CHEK1: variants seen among roughly 807,000 people sequenced by gnomAD.
The protein encoded by CHEK1 is checkpoint kinase 1, also known as serine/threonine-protein kinase Chk1.
CHEK1 carries 32 observed loss-of-function variants against 60.2 expected under a neutral mutation model. The ratio of observed to expected loss-of-function variants is 0.53; its 90% CI spans 0.40 to 0.71. The LOEUF (loss-of-function observed/expected upper bound fraction) is 0.71, where lower values mean the gene tolerates loss of function less well. Ranked by LOEUF, CHEK1 falls within the 30% of genes least tolerant of loss-of-function variation. CHEK1 has a pLI of 0.00. For synonymous variants in CHEK1, 179 were observed against 187.2 expected, an observed-to-expected ratio of 0.96 and a Z score of 0.36; for missense variants, 399 against 564.6, an observed-to-expected ratio of 0.71 and a Z score of 2.97.
rs747190476 is a variant in CHEK1, at chr11:125,637,431, CGTAAT to C, written c.719-15_719-11del. ...AACATGATTCTTTCGTGAATGTTGT[CGTAAT>C]GTTTGTTTTTAGCTCTGCTGCATAA... On this transcript the variant is annotated splice_polypyrimidine_tract_variant and intron_variant, in intron 7 of 12. Transcript: ENST00000438015. 3 of 1,587,400 alleles carry C rather than the reference CGTAAT, an allele frequency of 1.9e-6. No homozygotes were observed. The highest frequency in any genetic ancestry group is 2.6e-6 in the Non-Finnish European group (3 of 1,164,854).
intron 7 of CHEK1, among the ~76,000 whole-genome samples, chr11:125,637,103 C>T (rs910031932): frequency 8.5e-5 from 13 of 152,078 alleles, no homozygotes; most frequent in African/African-American, 3.1e-4. Context: ...AAGGAGGTCA[C>T]GTGAGAACAT....
Position 125,644,547 on chromosome 11 carries a change from A to G in CHEK1, c.1137A>G (p.Arg379=), listed in dbSNP as rs369650833. The G allele has an allele frequency of 1.4e-5, 23 of 1,614,038 alleles. No individual in the cohort carries two copies. Among genetic ancestry groups the G allele is most frequent in the Non-Finnish European group, 1.9e-5 (22 of 1,180,032 alleles). The change falls in exon 11 of 13, where the codon CGA becomes CGG. Residue 379 remains arginine (R), a synonymous_variant. Transcript: ENST00000438015. ...AGCGGTTGGTCAAAAGAATGACACGATTCTTTACCAAATTGGATGCAGACA... is the reference window on the plus strand; with the variant it reads ...AGCGGTTGGTCAAAAGAATGACACGGTTCTTTACCAAATTGGATGCAGACA... ...PWQRLVKRMT[R]FFTKLDADKS...
chr11:125,636,508 T>C (rs1031056826), intron 7 of CHEK1, among the ~76,000 whole-genome samples: 2 of 152,282 alleles, frequency 1.3e-5, no homozygotes, highest in African/African-American at 2.4e-5. Context: ...TTTATTATTA[T>C]GGCTTATTTT....
In CHEK1 at chr11:125,627,794, G is replaced by T; in HGVS notation, c.253G>T (p.Glu85Ter). ...REGNIQYLFL[E>*]YCSGGELFDR... ...AGGCAATATCCAATATTTATTTCTG[G>T]AGTACTGTAGTGGAGGAGAGCTTTT... The change falls in exon 3 of 13, where the codon GAG (glutamate) becomes TAG (stop). Residue 85 changes from glutamate (E) to a stop codon, truncating the protein, a stop_gained. Transcript: ENST00000438015. LOFTEE classifies it high-confidence loss of function. 1 of 1,611,590 alleles carries T rather than the reference G, an allele frequency of 6.2e-7. No homozygotes were observed. Among genetic ancestry groups the T allele is most frequent in the Non-Finnish European group, 8.5e-7 (1 of 1,179,452 alleles).
chr11:125,670,925 C>G (rs530343066), intron 13 of CHEK1, among the ~76,000 whole-genome samples: 2 of 152,066 alleles, frequency 1.3e-5, no homozygotes, highest in Non-Finnish European at 2.9e-5. Flanking sequence ...TAAATGGAAG[C>G]CAGAATTTTC....
intron 11 of CHEK1, chr11:125,649,683 C>T (rs1295182696): frequency 2.0e-5 from 3 of 152,574 alleles, no homozygotes; most frequent in Non-Finnish European, 4.3e-5. Flanking sequence ...GAGTCGTGAT[C>T]TGATTGCATG....
At chr11:125,645,782 CAT>C (rs1941479267) in intron 11 of CHEK1, among the ~76,000 whole-genome samples, 1 of 152,178 alleles carries the variant, frequency 6.6e-6, no homozygotes, top group Admixed American at 6.5e-5. Context: ...TAAACACACA[CAT>C]ATCTGGTAGA....
Position 125,633,204 on chromosome 11 carries a change from C to A in CHEK1, c.466C>A (p.Arg156=). 1 of 1,600,990 alleles carries A rather than the reference C, an allele frequency of 6.2e-7. No individual in the cohort carries two copies. The highest frequency in any genetic ancestry group is 8.5e-7 in the Non-Finnish European group (1 of 1,176,400). The change falls in exon 6 of 13, where the codon CGG becomes AGG. Residue 156 remains arginine, a synonymous_variant. Transcript: ENST00000438015. The part of the protein sequence containing the change: ...ISDFGLATVF[R]YNNRERLLNK... ...AGACTTTGGCTTGGCAACAGTATTT[C>A]GGTATAATAATCGTGAGCGTTTGTT...
At position 125,664,232 on chromosome 11, in the gene CHEK1, A is replaced by ATT. The variant is rs34554687; in HGVS notation, c.*27+8902_*27+8903dup. Among the ~76,000 whole-genome samples the ATT allele has an allele frequency of 3.2e-3, 418 of 129,338 alleles. 3 individuals carry two copies. The highest frequency in any genetic ancestry group is 5.2e-3 in the African/African-American group (176 of 33,964). 84.9% of individuals were successfully genotyped at this position (129,338 alleles called of 152,430 possible). On this transcript the variant is annotated intron_variant, in intron 13 of 13. Transcript: ENST00000428830. ...CCCTGCTGATTAGCCATGTTGAACT[A>ATT]TTTTTTTTTTTTTTTTTTGGAGACA...
At chr11:125,638,666 G>T (rs1179199767) in intron 8 of CHEK1, among the ~76,000 whole-genome samples, 1 of 152,068 alleles carries the variant, frequency 6.6e-6, no homozygotes, top group Non-Finnish European at 1.5e-5. Context: ...TCTGGACATG[G>T]TACAGGTGTC....
intron 11 of CHEK1, among the ~76,000 whole-genome samples, chr11:125,652,707 CA>C (rs1273205439): frequency 6.6e-6 from 1 of 151,874 alleles, no homozygotes; most frequent in East Asian, 1.9e-4. Flanking sequence ...TTAATTGATA[CA>C]ATAATTGTAA....
At position 125,625,276 on chromosome 11, in the gene CHEK1, A is replaced by G. The variant is rs575037325; in HGVS notation, c.-757A>G. 2 of 233,054 alleles carry G rather than the reference A, an allele frequency of 8.6e-6. No homozygotes were observed. The highest frequency in any genetic ancestry group is 1.7e-5 in the Non-Finnish European group (2 of 118,194). 14.4% of individuals were successfully genotyped at this position (233,054 alleles called of 1,614,324 possible). A position where few individuals can be genotyped will look rare whatever the true frequency, so the allele number is the denominator to read the frequency against. On this transcript the variant is annotated 5_prime_UTR_variant, in exon 1 of 13. Coordinates refer to ENST00000438015, the MANE Select transcript of CHEK1 (RefSeq NM_001114122.3). ...GGGCTGAAGTAAAGCATTGTTTTGG[A>G]GCTGGTTCACAGAAAAAAGGCAAAA...
chr11:125,630,681 A>G (rs1940830251), intron 5 of CHEK1, among the ~76,000 whole-genome samples: 1 of 152,212 alleles, frequency 6.6e-6, no homozygotes, highest in African/African-American at 2.4e-5. Flanking sequence ...TATATGACAT[A>G]AAAATCTTTA....
At chr11:125,631,744 G>A (rs1940868188) in intron 5 of CHEK1, among the ~76,000 whole-genome samples, 1 of 150,686 alleles carries the variant, frequency 6.6e-6, no homozygotes, top group East Asian at 2.0e-4. Flanking sequence ...TGGAGTCCCA[G>A]CTACTTGGAA....
chr11:125,676,070 G>T (rs1327856392), exon 14 of CHEK1: 2 of 270,374 alleles, frequency 7.4e-6, no homozygotes, highest in Admixed American at 9.1e-5. Flanking sequence ...ACCACACCTG[G>T]CTAGGTTTTG....
intron 11 of CHEK1, among the ~76,000 whole-genome samples, chr11:125,652,661 A>G (rs1313215498): frequency 1.3e-5 from 2 of 152,194 alleles, no homozygotes; most frequent in Non-Finnish European, 2.9e-5. Flanking sequence ...CATACTTAAT[A>G]TTACTCCTGT....
chr11:125,660,055 CGTGT>C (rs1323995485), downstream of CHEK1, among the ~76,000 whole-genome samples: 3 of 151,942 alleles, frequency 2.0e-5, no homozygotes, highest in African/African-American at 4.8e-5. Context: ...TTTTCGTGTG[CGTGT>C]GTGTGTGTAT....
chr11:125,647,770 C>G (rs1258117084), intron 11 of CHEK1, among the ~76,000 whole-genome samples: 18 of 152,064 alleles, frequency 1.2e-4, no homozygotes, highest in Admixed American at 1.2e-3. Context: ...TCATATATAC[C>G]TGATACAGAT....
At chr11:125,629,100 C>T in intron 3 of CHEK1, 132 bp from the exon 4 acceptor site, 1 of 798,374 alleles carries the variant, frequency 1.3e-6, no homozygotes, top group Non-Finnish European at 2.1e-6. Context: ...TAGTGGACTC[C>T]TGAATCTTTT....
Sources: allele counts gnomAD v4.1 joint callset (sites outside exome capture counted in the v4.1 genomes callset), GRCh38; gene constraint gnomAD v4.1.1; transcripts MANE v1.5; gene names NCBI Gene and HGNC (gene_info 2026-07-23, HGNC 2026-07-21).